The following COG5 variants were observed in gnomAD, a reference collection of about 807,000 sequenced individuals.
COG5 encodes component of oligomeric golgi complex 5, also known as conserved oligomeric Golgi complex subunit 5.
In COG5, 86 loss-of-function variants were observed where a neutral mutation model predicts 110.4. The observed-to-expected ratio is 0.78, with a 90% confidence interval of 0.65 to 0.93. The LOEUF is 0.93. Ranked by LOEUF, COG5 falls within the 40% of genes least tolerant of loss-of-function variation. The pLI, the probability that COG5 is intolerant of heterozygous loss-of-function variation, is 0.00. For missense variants in COG5, 1,077 were observed against 987.0 expected (o/e 1.09, Z -1.22); for synonymous variants, 360 against 334.6 (o/e 1.08, Z -0.83).
At chr7:107,427,296 C>A (rs1793702568) in intron 6 of COG5, among the ~76,000 whole-genome samples, 1 of 152,118 alleles carries the variant, frequency 6.6e-6, no homozygotes, top group Admixed American at 6.5e-5. Flanking sequence ...TTTGGCTTTT[C>A]CTATACATCA....
chr7:107,320,070 C>T (rs2249043), intron 11 of COG5, among the ~76,000 whole-genome samples: 25,476 of 152,026 alleles, frequency 0.17, 2,419 homozygotes, highest in Non-Finnish European at 0.22. Flanking sequence ...TTGGAAAAGA[C>T]CCATGCAGGC....
At chr7:107,420,596 G>A (rs1044782636) in intron 6 of COG5, among the ~76,000 whole-genome samples, 1 of 152,148 alleles carries the variant, frequency 6.6e-6, no homozygotes, top group Non-Finnish European at 1.5e-5. Context: ...GAGTAGCTGG[G>A]ACTACAGGCG....
At chr7:107,241,827 C>T (rs1019021144) in intron 17 of COG5, among the ~76,000 whole-genome samples, 2 of 152,068 alleles carry the variant, frequency 1.3e-5, no homozygotes, top group African/African-American at 4.8e-5. Context: ...GTCATCTATC[C>T]TGGAGTGCAA....
chr7:107,256,264 T>C (rs1802873673), intron 16 of COG5, among the ~76,000 whole-genome samples: 1 of 152,100 alleles, frequency 6.6e-6, no homozygotes, highest in Non-Finnish European at 1.5e-5. Context: ...AATTCTGTTA[T>C]GAGAGAGGGG....
intron 12 of COG5, among the ~76,000 whole-genome samples, chr7:107,293,713 GCT>G (rs1043720475): frequency 2.0e-4 from 30 of 152,066 alleles, no homozygotes; most frequent in African/African-American, 5.3e-4. Context: ...TTGGGCCAAG[GCT>G]CTCTTTTCTC....
In COG5 at chr7:107,412,557, C is replaced by G. The variant is rs368331483; in HGVS notation, c.614G>C (p.Arg205Pro). ...ENDLLFIARA[R>P]LEVENQAKRL... is the part of the protein sequence containing the mutation. ...CTTAGCTTGATTTTCCACTTCAAGT[C>G]GGGCTCTTGCAATAAAAAGTAGATC... Residue 205 changes from arginine to proline, a missense_variant, in exon 7 of 22, where the codon CGA (arginine) becomes CCA (proline). Transcript: ENST00000297135. 1 of 1,612,116 alleles carries G rather than the reference C, an allele frequency of 6.2e-7. No individual in the cohort carries two copies. Among genetic ancestry groups the G allele is most frequent in the Non-Finnish European group, 8.5e-7 (1 of 1,178,862 alleles).
At position 107,258,254 on chromosome 7, in the gene COG5, A is replaced by T; in HGVS notation, c.1686+19T>A. On this transcript the variant is annotated intron_variant, in intron 15 of 21. Coordinates refer to ENST00000297135, the MANE Select transcript of COG5 (RefSeq NM_006348.5). ...AAGAATTTAAAATTAAGTAAAAAAAAACTTAATAAAATAGTTACCTTTGTT... is the reference window on the plus strand; with the variant it reads ...AAGAATTTAAAATTAAGTAAAAAAATACTTAATAAAATAGTTACCTTTGTT... 1 of 1,458,516 alleles carries T rather than the reference A, an allele frequency of 6.9e-7. No homozygotes were observed. Among genetic ancestry groups the T allele is most frequent in the East Asian group, 2.3e-5 (1 of 44,112 alleles). The allele number at this position is 1,458,516 out of a possible 1,614,324, so 90.3% of individuals were successfully genotyped here. A position where few individuals can be genotyped will look rare whatever the true frequency, so the allele number is the denominator to read the frequency against.
At chr7:107,516,982 G>T (rs1010206241) in intron 6 of COG5, among the ~76,000 whole-genome samples, 1 of 152,184 alleles carries the variant, frequency 6.6e-6, no homozygotes, top group Non-Finnish European at 1.5e-5. Flanking sequence ...TCCAGCAAGG[G>T]CGCAGAACTG....
chr7:107,365,542 A>G (rs1171729988), intron 8 of COG5, among the ~76,000 whole-genome samples: 2 of 145,216 alleles, frequency 1.4e-5, no homozygotes, highest in Non-Finnish European at 3.0e-5. Flanking sequence ...CTTTGATTAC[A>G]GCTGAGATCT....
chr7:107,368,960 C>T (rs1562993461), intron 8 of COG5, among the ~76,000 whole-genome samples: 1 of 152,140 alleles, frequency 6.6e-6, no homozygotes, highest in Non-Finnish European at 1.5e-5. Context: ...GTAATGGTAT[C>T]GGGTTTTGTA....
chr7:107,546,756 T>C (rs1802486649), intron 5 of COG5, among the ~76,000 whole-genome samples: 1 of 152,016 alleles, frequency 6.6e-6, no homozygotes, highest in Non-Finnish European at 1.5e-5. Context: ...AACAAATATA[T>C]GCCAACAAAC....
intron 11 of COG5, among the ~76,000 whole-genome samples, chr7:107,315,565 CTT>C (rs3839820): frequency 0.17 from 24,570 of 147,532 alleles, 2,344 homozygotes; most frequent in Non-Finnish European, 0.22. Flanking sequence ...TCTAATAGAA[CTT>C]TTTTTTTTTT....
intron 10 of COG5, among the ~76,000 whole-genome samples, chr7:107,336,813 C>G (rs1359396432): frequency 1.3e-5 from 2 of 152,218 alleles, no homozygotes; most frequent in Admixed American, 1.3e-4. Flanking sequence ...ACAGCAGTCA[C>G]TCACTTGCAT....
chr7:107,241,016 C>T (rs1004770244), intron 17 of COG5, among the ~76,000 whole-genome samples: 10 of 152,172 alleles, frequency 6.6e-5, no homozygotes, highest in African/African-American at 1.7e-4. Context: ...ATGCTTCATA[C>T]TCATGGCAAC....
chr7:107,562,019 C>A (rs1415808247), intron 1 of COG5, among the ~76,000 whole-genome samples: 1 of 152,062 alleles, frequency 6.6e-6, no homozygotes, highest in Non-Finnish European at 1.5e-5. Context: ...AGAGGCTCCA[C>A]TTCCGTTGCA....
intron 21 of COG5, 41 bp downstream of exon 21, chr7:107,210,485 C>T: frequency 6.4e-7 from 1 of 1,565,970 alleles, no homozygotes; most frequent in Non-Finnish European, 8.7e-7. Flanking sequence ...CCTCCTTGGG[C>T]TTCCAGACCA....
rs187244889 is a variant in COG5 at position 107,526,946 on chromosome 7, G to A, written c.538+291C>T. On this transcript the variant is annotated intron_variant, in intron 6 of 21. Transcript: ENST00000297135. ...TCTGGAGGAGTGATGGAATTGTTCTGTATCATGACTGTAATGGTGCTTACA... is the reference window on the plus strand; with the variant it reads ...TCTGGAGGAGTGATGGAATTGTTCTATATCATGACTGTAATGGTGCTTACA... Among the ~76,000 whole-genome samples the A allele has an allele frequency of 3.3e-5, 5 of 152,222 alleles. No homozygotes were observed. The East Asian group carries it at 9.6e-4, about 29-fold the overall frequency.
chr7:107,503,372 C>A (rs2129137751), intron 6 of COG5, among the ~76,000 whole-genome samples: 1 of 152,242 alleles, frequency 6.6e-6, no homozygotes, highest in East Asian at 1.9e-4. Flanking sequence ...TACTTTTATA[C>A]CAGAACCATG....
chr7:107,546,001 G>A (rs1802409072), intron 5 of COG5, among the ~76,000 whole-genome samples: 1 of 152,006 alleles, frequency 6.6e-6, no homozygotes, highest in Non-Finnish European at 1.5e-5. Flanking sequence ...AACTTAAGAA[G>A]ACTGAGATCA....
Sources: gnomAD v4.1 joint callset for allele counts (sites outside exome capture counted in the v4.1 genomes callset) on GRCh38, gnomAD v4.1.1 for gene constraint, MANE v1.5 for transcripts, NCBI Gene and HGNC (gene_info 2026-07-23, HGNC 2026-07-21) for gene names.